SLC24A2: variants seen among roughly 807,000 people sequenced by gnomAD.
SLC24A2 encodes the protein sodium/potassium/calcium exchanger 2.
In SLC24A2, 36 loss-of-function variants were observed where a neutral mutation model predicts 62.0. The observed-to-expected ratio is 0.58, with a 90% CI of 0.44 to 0.77. The LOEUF is 0.77. SLC24A2 is among the 30% of genes least tolerant of loss of function. The probability of loss-of-function intolerance (pLI) is 0.00; values close to 1 mark genes in which losing one functional copy is unlikely to be tolerated. For missense variants in SLC24A2, 846 were observed against 817.9 expected (o/e 1.03, Z -0.42); for synonymous variants, 358 against 294.0 (o/e 1.22, Z -2.23).
intron 5 of SLC24A2, among the ~76,000 whole-genome samples, chr9:19,589,086 C>A (rs977165443): frequency 6.6e-6 from 1 of 152,168 alleles, no homozygotes; most frequent in Admixed American, 6.5e-5. Context: ...ACTCTTTGAT[C>A]TGGCATTTCT....
the SLC24A2 span, among the ~76,000 whole-genome samples, chr9:20,068,958 A>C: frequency 6.6e-6 from 1 of 152,184 alleles, no homozygotes; most frequent in Non-Finnish European, 1.5e-5. Flanking sequence ...CAAATATAAC[A>C]GCTGATTAGA....
intron 2 of SLC24A2, among the ~76,000 whole-genome samples, chr9:19,664,299 T>C (rs1447655337): frequency 2.0e-5 from 3 of 152,232 alleles, no homozygotes; most frequent in Middle Eastern, 3.2e-3. Context: ...GTAAGTTTCA[T>C]TGGTGCATTT....
the SLC24A2 span, among the ~76,000 whole-genome samples, chr9:19,895,588 A>T: frequency 2.4e-5 from 3 of 126,424 alleles, no homozygotes; most frequent in African/African-American, 5.9e-5. Context: ...ACACTTTATT[A>T]TAACTTTACA....
chr9:19,943,707 A>G, the SLC24A2 span, among the ~76,000 whole-genome samples: 1 of 152,204 alleles, frequency 6.6e-6, no homozygotes, highest in African/African-American at 2.4e-5. Flanking sequence ...TATTTTCAAC[A>G]TTCTAAGTTT....
At chr9:20,088,999 C>A in the SLC24A2 span, among the ~76,000 whole-genome samples, 1 of 152,206 alleles carries the variant, frequency 6.6e-6, no homozygotes, top group Non-Finnish European at 1.5e-5. Context: ...ATGTGGGTCC[C>A]TGATCCCATA....
the SLC24A2 span, among the ~76,000 whole-genome samples, chr9:20,193,236 G>T: frequency 1.3e-5 from 2 of 152,092 alleles, no homozygotes; most frequent in African/African-American, 4.8e-5. Context: ...TTGAAATAAA[G>T]TACAAACTGG....
intron 2 of SLC24A2, among the ~76,000 whole-genome samples, chr9:19,665,087 C>T (rs1315961518): frequency 6.6e-6 from 1 of 152,162 alleles, no homozygotes; most frequent in East Asian, 1.9e-4. Flanking sequence ...GTTGATACTG[C>T]AGGCCCTCAC....
At chr9:20,204,566 G>T in the SLC24A2 span, among the ~76,000 whole-genome samples, 1 of 152,108 alleles carries the variant, frequency 6.6e-6, no homozygotes, top group Non-Finnish European at 1.5e-5. Flanking sequence ...TCGTACTGGT[G>T]TTGCAAAAGC....
At chr9:20,261,284 A>G in the SLC24A2 span, among the ~76,000 whole-genome samples, 1 of 152,030 alleles carries the variant, frequency 6.6e-6, no homozygotes, top group Non-Finnish European at 1.5e-5. Context: ...TTCATAATTT[A>G]AAAAAAACTG....
At chr9:19,636,315 T>TTTTCTTTTCTTTTC in intron 2 of SLC24A2, among the ~76,000 whole-genome samples, 54 of 40,132 alleles carry the variant, frequency 1.3e-3, no homozygotes, top group South Asian at 1.9e-3. Context: ...TTTTCTTTTC[T>TTTTCTTTTCTTTTC]TTTCTTTCTT....
the SLC24A2 span, among the ~76,000 whole-genome samples, chr9:20,170,904 G>C: frequency 3.3e-5 from 5 of 151,974 alleles, no homozygotes; most frequent in Non-Finnish European, 7.4e-5. Context: ...TTACTGCCTA[G>C]GCACATTGTC....
chr9:19,629,701 C>T (rs180969789), intron 2 of SLC24A2, among the ~76,000 whole-genome samples: 6 of 152,292 alleles, frequency 3.9e-5, no homozygotes, highest in East Asian at 3.9e-4. Flanking sequence ...GTTATCACTG[C>T]GGTCATGAGA....
chr9:19,560,944 G>GACAGAC (rs56842170), intron 7 of SLC24A2, among the ~76,000 whole-genome samples: 5,405 of 142,516 alleles, frequency 0.038, 138 homozygotes, highest in Middle Eastern at 0.065. Context: ...GAGAGAGAGA[G>GACAGAC]AGACAGAGTC....
the SLC24A2 span, among the ~76,000 whole-genome samples, chr9:19,974,328 A>G: frequency 6.6e-6 from 1 of 152,170 alleles, no homozygotes; most frequent in Non-Finnish European, 1.5e-5. Flanking sequence ...AATTTCTCCA[A>G]ATGAACAATA....
the SLC24A2 span, among the ~76,000 whole-genome samples, chr9:19,837,727 A>G: frequency 6.6e-6 from 1 of 151,994 alleles, no homozygotes; most frequent in Non-Finnish European, 1.5e-5. Context: ...AAGTCTCAGG[A>G]TACAAAATCA....
At chr9:19,517,956 CACT>C (rs1833015581) in intron 10 of SLC24A2, among the ~76,000 whole-genome samples, 2 of 146,748 alleles carry the variant, frequency 1.4e-5, no homozygotes, top group African/African-American at 5.1e-5. Context: ...CACACACACA[CACT>C]CTCACACTTC....
the SLC24A2 span, among the ~76,000 whole-genome samples, chr9:20,190,738 TA>T: frequency 6.6e-6 from 1 of 152,100 alleles, no homozygotes; most frequent in African/African-American, 2.4e-5. Context: ...AAATAAAAAT[TA>T]AAAAAATCCC....
At chr9:20,034,974 C>A in the SLC24A2 span, among the ~76,000 whole-genome samples, 83 of 152,008 alleles carry the variant, frequency 5.5e-4, no homozygotes, top group Non-Finnish European at 1.1e-3. Flanking sequence ...GTGACACTTC[C>A]CAGGTTTTCC....
intron 4 of SLC24A2, among the ~76,000 whole-genome samples, chr9:19,601,401 G>A (rs2132911262): frequency 6.6e-6 from 1 of 152,276 alleles, no homozygotes; most frequent in South Asian, 2.1e-4. Flanking sequence ...ACCCACTTGG[G>A]TCCCCTTCCT....
Sources: gnomAD v4.1 joint callset for allele counts (sites outside exome capture counted in the v4.1 genomes callset) on GRCh38, gnomAD v4.1.1 for gene constraint, MANE v1.5 for transcripts, NCBI Gene and HGNC (gene_info 2026-07-23, HGNC 2026-07-21) for gene names.